The following SNTB1 variants were observed in gnomAD, a reference collection of about 807,000 sequenced individuals.
SNTB1 encodes the protein beta-1-syntrophin.
Under a neutral mutation model 48.9 loss-of-function variants are expected in SNTB1, and 36 were observed. That is an observed-to-expected ratio of 0.74 (90% confidence interval 0.56 to 0.97). SNTB1 has a LOEUF of 0.97. Among genes scored for constraint, SNTB1 ranks in the 50% least tolerant of loss-of-function variants. The pLI is 0.00. For synonymous variants in SNTB1, 299 were observed against 294.6 expected, an observed-to-expected ratio of 1.01 and a Z score of -0.15; for missense variants, 786 against 703.4, an observed-to-expected ratio of 1.12 and a Z score of -1.33.
intron 3 of SNTB1, among the ~76,000 whole-genome samples, chr8:120,596,333 T>C (rs1489257532): frequency 6.6e-6 from 1 of 152,266 alleles, no homozygotes; most frequent in Non-Finnish European, 1.5e-5. Context: ...ATTTTGAGTA[T>C]ATCTATATGT....
intron 2 of SNTB1, among the ~76,000 whole-genome samples, chr8:120,686,616 A>T (rs1312815080): frequency 6.6e-6 from 1 of 152,160 alleles, no homozygotes; most frequent in Non-Finnish European, 1.5e-5. Context: ...ACAAACATTA[A>T]GACTATAGCA....
chr8:120,625,584 T>G (rs1217594831), intron 3 of SNTB1, among the ~76,000 whole-genome samples: 1 of 152,198 alleles, frequency 6.6e-6, no homozygotes, highest in Non-Finnish European at 1.5e-5. Flanking sequence ...CTGAATGAAA[T>G]TCATACTGGC....
chr8:120,723,550 C>T (rs1818704192), intron 1 of SNTB1, among the ~76,000 whole-genome samples: 1 of 152,238 alleles, frequency 6.6e-6, no homozygotes, highest in Non-Finnish European at 1.5e-5. Flanking sequence ...CTCTGTATAT[C>T]CCTTCATTCA....
chr8:120,726,588 C>G (rs1412708700), intron 1 of SNTB1, among the ~76,000 whole-genome samples: 1 of 152,152 alleles, frequency 6.6e-6, no homozygotes, highest in Non-Finnish European at 1.5e-5. Flanking sequence ...AGGAAAATTA[C>G]TCTTCAGCAG....
At chr8:120,766,394 T>C (rs1819525048) in intron 1 of SNTB1, among the ~76,000 whole-genome samples, 1 of 152,196 alleles carries the variant, frequency 6.6e-6, no homozygotes, top group Admixed American at 6.5e-5. Flanking sequence ...TTTCCAATAG[T>C]TTTTGCCCCA....
chr8:120,588,002 A>AT (rs1193278592), intron 3 of SNTB1, among the ~76,000 whole-genome samples: 5 of 152,242 alleles, frequency 3.3e-5, no homozygotes, highest in South Asian at 2.1e-4. Context: ...GAAATTGACA[A>AT]TTTTTTTAAA....
At chr8:120,750,520 C>T (rs890783305) in intron 1 of SNTB1, among the ~76,000 whole-genome samples, 7 of 152,120 alleles carry the variant, frequency 4.6e-5, no homozygotes, top group African/African-American at 7.2e-5. Context: ...TCTCTTAAAT[C>T]GCTGTCCTCA....
At chr8:120,696,863 T>C (rs533861438) in intron 1 of SNTB1, among the ~76,000 whole-genome samples, 42 of 152,236 alleles carry the variant, frequency 2.8e-4, no homozygotes, top group Non-Finnish European at 4.7e-4. Flanking sequence ...ACCACCTAGA[T>C]GAAGGATGCA....
At chr8:120,714,328 A>G (rs1435583464) in intron 1 of SNTB1, among the ~76,000 whole-genome samples, 1 of 152,190 alleles carries the variant, frequency 6.6e-6, no homozygotes, top group Non-Finnish European at 1.5e-5. Context: ...TGTGGTGACA[A>G]TTCCAGCCAG....
chr8:120,798,612 A>G (rs547432468), intron 1 of SNTB1, among the ~76,000 whole-genome samples: 1 of 152,202 alleles, frequency 6.6e-6, no homozygotes, highest in Non-Finnish European at 1.5e-5. Context: ...ATCTACTCAC[A>G]GGAACTGTGC....
chr8:120,650,288 T>G (rs1809030519), intron 2 of SNTB1, among the ~76,000 whole-genome samples: 2 of 152,080 alleles, frequency 1.3e-5, no homozygotes, highest in Non-Finnish European at 2.9e-5. Context: ...ATAGGAGAGT[T>G]GAGAATGAGC....
chr8:120,800,634 G>A (rs1178487691), intron 1 of SNTB1, among the ~76,000 whole-genome samples: 1 of 152,036 alleles, frequency 6.6e-6, no homozygotes, highest in Admixed American at 6.6e-5. Context: ...AGAATGGGTG[G>A]ATTGTTTGAT....
At chr8:120,625,871 T>C (rs962738922) in intron 3 of SNTB1, among the ~76,000 whole-genome samples, 1 of 152,118 alleles carries the variant, frequency 6.6e-6, no homozygotes, top group East Asian at 1.9e-4. Context: ...TTCCCTCAGG[T>C]CAGAGACTAT....
chr8:120,731,292 C>T (rs574600999), intron 1 of SNTB1, among the ~76,000 whole-genome samples: 3 of 152,328 alleles, frequency 2.0e-5, no homozygotes, highest in African/African-American at 7.2e-5. Context: ...ATTCTTAGCT[C>T]TCTTGTTTTT....
chr8:120,610,286 A>G (rs1240203944), intron 3 of SNTB1, among the ~76,000 whole-genome samples: 2 of 152,004 alleles, frequency 1.3e-5, no homozygotes, highest in Non-Finnish European at 2.9e-5. Context: ...ATAGGCACAT[A>G]CCACTGTGCC....
chr8:120,623,457 C>G (rs542379208), intron 3 of SNTB1, among the ~76,000 whole-genome samples: 1 of 152,318 alleles, frequency 6.6e-6, no homozygotes, highest in Non-Finnish European at 1.5e-5. Flanking sequence ...AGAATCCAAT[C>G]ACATCCTCCC....
At position 120,537,712 on chromosome 8, in the gene SNTB1, A is replaced by T. The variant is rs1345244800; in HGVS notation, c.*1165T>A. 1 of 152,246 alleles carries T rather than the reference A, an allele frequency of 6.6e-6. No homozygotes were observed. Among genetic ancestry groups the T allele is most frequent in the Non-Finnish European group, 1.5e-5 (1 of 68,040 alleles). The allele number at this position is 152,246 out of a possible 1,614,324, so 9.4% of individuals were successfully genotyped here. A position where few individuals can be genotyped will look rare whatever the true frequency, so the allele number is the denominator to read the frequency against. ...TTAGTGAATTTGTTTTGAAAGATAAAAGTAAAAGCATTAAATCAGTAATGT... is the reference window on the plus strand; with the variant it reads ...TTAGTGAATTTGTTTTGAAAGATAATAGTAAAAGCATTAAATCAGTAATGT... On this transcript the variant is annotated 3_prime_UTR_variant, in exon 7 of 7. Coordinates refer to ENST00000517992, the MANE Select transcript of SNTB1 (RefSeq NM_021021.4).
At chr8:120,606,261 T>C (rs112975769) in intron 3 of SNTB1, among the ~76,000 whole-genome samples, 1 of 146,918 alleles carries the variant, frequency 6.8e-6, no homozygotes, top group South Asian at 2.1e-4. Flanking sequence ...TATAATTATT[T>C]ATAACATAAT....
chr8:120,554,440 G>C (rs528091643), intron 4 of SNTB1, among the ~76,000 whole-genome samples: 1 of 152,116 alleles, frequency 6.6e-6, no homozygotes, highest in African/African-American at 2.4e-5. Flanking sequence ...GACAATGAGC[G>C]CTGACTGAAA....
Sources: allele counts gnomAD v4.1 joint callset (sites outside exome capture counted in the v4.1 genomes callset), GRCh38; gene constraint gnomAD v4.1.1; transcripts MANE v1.5; gene names NCBI Gene and HGNC (gene_info 2026-07-23, HGNC 2026-07-21).